The following PTPN4 variants were observed in gnomAD, a reference collection of about 807,000 sequenced individuals.
The protein encoded by PTPN4 is tyrosine-protein phosphatase non-receptor type 4.
Under a neutral mutation model 135.5 loss-of-function variants are expected in PTPN4, and 49 were observed. That is an observed-to-expected ratio of 0.36 (90% CI 0.29 to 0.46). The LOEUF is 0.46. Ranked by LOEUF, PTPN4 falls within the 20% of genes least tolerant of loss-of-function variation. The pLI is 1.00. For missense variants in PTPN4, 860 were observed against 1,101.0 expected (o/e 0.78, Z 3.10); for synonymous variants, 333 against 369.9 (o/e 0.90, Z 1.14).
At chr2:119,821,940 A>G (rs748320288) in intron 2 of PTPN4, among the ~76,000 whole-genome samples, 1 of 152,104 alleles carries the variant, frequency 6.6e-6, no homozygotes, top group Non-Finnish European at 1.5e-5. Flanking sequence ...TTTATGTATG[A>G]CGTATTGTTT....
chr2:119,760,393 T>A lies in PTPN4; in HGVS notation c.-18+9T>A. 2.6e-6 allele frequency: 1 copy of A among 387,970 alleles called. No individual in the cohort carries two copies. The highest frequency in any genetic ancestry group is 4.6e-6 in the Non-Finnish European group (1 of 219,602). The allele number at this position is 387,970 out of a possible 1,614,324, so 24.0% of individuals were successfully genotyped here. On this transcript the variant is annotated intron_variant, in intron 1 of 26. Transcript: ENST00000263708. ...GGCTGTGATATACGAAGGTAAGAGG[T>A]TCTCCGGTCCCCGCCGGCCTCTCGG... is the stretch of plus-strand genomic sequence containing the variant.
At chr2:119,798,263 T>C (rs1184243045) in intron 1 of PTPN4, among the ~76,000 whole-genome samples, 1 of 151,546 alleles carries the variant, frequency 6.6e-6, no homozygotes, top group Non-Finnish European at 1.5e-5. Context: ...GCCTTCCAGG[T>C]TCAAGCGATT....
chr2:119,922,218 T>TAAA (rs34480531), intron 12 of PTPN4, among the ~76,000 whole-genome samples: 2 of 120,872 alleles, frequency 1.7e-5, no homozygotes, highest in African/African-American at 2.9e-5. Flanking sequence ...CAATCTGATT[T>TAAA]AAAAAAAAAA....
At chr2:119,941,049 G>C (rs1455789012) in intron 15 of PTPN4, among the ~76,000 whole-genome samples, 1 of 152,080 alleles carries the variant, frequency 6.6e-6, no homozygotes, top group Non-Finnish European at 1.5e-5. Flanking sequence ...TATGCTGCCT[G>C]GTTATTCTCC....
Position 119,839,570 on chromosome 2 carries a change from A to C in PTPN4, c.139-22966A>C, listed in dbSNP as rs116536185. On this transcript the variant is annotated intron_variant, in intron 2 of 26. Coordinates refer to ENST00000263708, the MANE Select transcript of PTPN4 (RefSeq NM_002830.4). ...AAAATACTTTTTTTGGTTAGTTTACATTTTAAAAATTGCAATAAAAATAAA... is the reference window on the plus strand; with the variant it reads ...AAAATACTTTTTTTGGTTAGTTTACCTTTTAAAAATTGCAATAAAAATAAA... Among the ~76,000 whole-genome samples the C allele has an allele frequency of 6.3e-3, 952 of 152,306 alleles. 8 individuals are homozygous for C. The highest frequency in any genetic ancestry group is 0.022 in the African/African-American group (915 of 41,574).
intron 2 of PTPN4, among the ~76,000 whole-genome samples, chr2:119,811,071 G>C (rs920513545): frequency 2.6e-5 from 4 of 151,880 alleles, no homozygotes; most frequent in African/African-American, 7.3e-5. Flanking sequence ...CTTACACCGG[G>C]GCCAGTCGGG....
intron 15 of PTPN4, among the ~76,000 whole-genome samples, chr2:119,938,124 AT>A (rs370292419): frequency 0.037 from 4,349 of 117,708 alleles, 65 homozygotes; most frequent in Middle Eastern, 0.061. Flanking sequence ...ATGTGGGATA[AT>A]TTTTTTTTTT....
chr2:119,903,888 CACAG>C, intron 10 of PTPN4, among the ~76,000 whole-genome samples: 1 of 152,320 alleles, frequency 6.6e-6, no homozygotes, highest in Non-Finnish European at 1.5e-5. Context: ...CTGAGGAACT[CACAG>C]ACACCTCTGA....
At position 119,945,263 on chromosome 2, in the gene PTPN4, C is replaced by T. The variant is rs761918983; in HGVS notation, c.1515+23C>T. 2.0e-6 allele frequency: 3 copies of T among 1,492,176 alleles called. No individual in the cohort carries two copies. In the African/African-American group the frequency reaches 4.4e-5, roughly 22 times the overall value. 92.4% of individuals were successfully genotyped at this position (1,492,176 alleles called of 1,614,324 possible). A position where few individuals can be genotyped will look rare whatever the true frequency, so the allele number is the denominator to read the frequency against. ...ACTGTAAGTAGCTTCTTCAGATATT[C>T]TCATTTTTATTTGAATTTTTAAAAT... On this transcript the variant is annotated intron_variant, in intron 16 of 26. Transcript: ENST00000263708.
intron 15 of PTPN4, among the ~76,000 whole-genome samples, chr2:119,941,783 C>CTT (rs1236575690): frequency 6.6e-6 from 1 of 152,122 alleles, no homozygotes; most frequent in Non-Finnish European, 1.5e-5. Flanking sequence ...TACTTGGGCT[C>CTT]TTTTCCTATC....
chr2:119,946,345 ATGG>A lies in PTPN4; in HGVS notation c.1525_1527del (p.Gly509del), dbSNP rs754962766. 1 of 1,598,082 alleles carries A rather than the reference ATGG, an allele frequency of 6.3e-7. No individual in the cohort carries two copies. On this transcript the variant is annotated inframe_deletion, in exon 17 of 27. Coordinates refer to ENST00000263708, the MANE Select transcript of PTPN4 (RefSeq NM_002830.4). ...ATTTAATTTTGTCTTTTTAAGCCTA[ATGG>A]TGGTATTCCACATGATAATCTTGTC...
intron 2 of PTPN4, among the ~76,000 whole-genome samples, chr2:119,837,680 C>T (rs1001605428): frequency 1.3e-5 from 2 of 152,206 alleles, no homozygotes; most frequent in Admixed American, 6.5e-5. Context: ...TTCGGGGAAC[C>T]CATACCTAGG....
At chr2:119,820,831 CAT>C (rs970987610) in intron 2 of PTPN4, among the ~76,000 whole-genome samples, 3 of 129,084 alleles carry the variant, frequency 2.3e-5, no homozygotes, top group Admixed American at 8.1e-5. Flanking sequence ...TGGACTTGCA[CAT>C]ATATATATGT....
intron 2 of PTPN4, among the ~76,000 whole-genome samples, chr2:119,817,664 A>C (rs1677008104): frequency 6.6e-6 from 1 of 152,180 alleles, no homozygotes; most frequent in Non-Finnish European, 1.5e-5. Context: ...CTTCGGCTTC[A>C]TATGAATTTT....
At position 119,934,869 on chromosome 2, in the gene PTPN4, T is replaced by C. The variant is rs1678958767; in HGVS notation, c.1266T>C (p.His422=). 1.9e-6 allele frequency: 3 copies of C among 1,613,578 alleles called. No individual in the cohort carries two copies. Among genetic ancestry groups the C allele is most frequent in the South Asian group, 1.1e-5 (1 of 91,080 alleles). ...RPSSVGHLVD[H]MVHTSPSEVF... ...CTTCAGTTGGTCATTTGGTAGACCA[T>C]ATGGTTCATACTTCCCCAAGCGAAG... Residue 422 remains histidine (H), a synonymous_variant, in exon 15 of 27, where the codon CAT becomes CAC. Coordinates refer to ENST00000263708, the MANE Select transcript of PTPN4 (RefSeq NM_002830.4).
At chr2:119,810,434 TG>T (rs1442631013) in intron 2 of PTPN4, among the ~76,000 whole-genome samples, 3 of 152,254 alleles carry the variant, frequency 2.0e-5, no homozygotes, top group African/African-American at 7.2e-5. Flanking sequence ...TCATCCTATT[TG>T]TGTCTAGCTT....
At position 119,915,131 on chromosome 2, in the gene PTPN4, T is replaced by C. The variant is rs766564838; in HGVS notation, c.765-48T>C. 3 of 1,401,104 alleles carry C rather than the reference T, an allele frequency of 2.1e-6. 1 individual carries two copies. In the South Asian group the frequency reaches 4.2e-5, roughly 19 times the overall value. 86.8% of individuals were successfully genotyped at this position (1,401,104 alleles called of 1,614,324 possible). On this transcript the variant is annotated intron_variant, in intron 10 of 26. Coordinates refer to ENST00000263708, the MANE Select transcript of PTPN4 (RefSeq NM_002830.4). ...AACATTTTTTCATAATTTGTTAATA[T>C]TTTTATCATTATTCAATACTTTGAA...
rs774041677 is a variant in PTPN4 at position 119,945,084 on chromosome 2, A to C, written c.1359A>C (p.Ser453=). The C allele has an allele frequency of 2.5e-6, 4 of 1,588,002 alleles. No homozygotes were observed. In the East Asian group the frequency reaches 6.9e-5, roughly 27 times the overall value. The part of the protein sequence containing the change: ...ANSIVLESSP[S]QETPGDGKPP... ...CCAAATTTGTTTTCTTGTCTAGATC[A>C]CAAGAGACCCCTGGAGATGGGAAGC... The change falls in exon 16 of 27, where the codon TCA becomes TCC. Residue 453 remains serine, a synonymous_variant. Transcript: ENST00000263708.
chr2:119,763,184 T>C (rs1485340706), intron 1 of PTPN4, among the ~76,000 whole-genome samples: 3 of 152,204 alleles, frequency 2.0e-5, no homozygotes, highest in Admixed American at 2.0e-4. Context: ...ATTAGAGATA[T>C]CTTCCCTCAC....
Sources: gnomAD v4.1 joint callset for allele counts (sites outside exome capture counted in the v4.1 genomes callset) on GRCh38, gnomAD v4.1.1 for gene constraint, MANE v1.5 for transcripts, NCBI Gene and HGNC (gene_info 2026-07-23, HGNC 2026-07-21) for gene names.